TNNI3K: variants seen among roughly 807,000 people sequenced by gnomAD.
The protein encoded by TNNI3K is TNNI3 interacting kinase, also known as serine/threonine-protein kinase TNNI3K.
TNNI3K carries 140 observed loss-of-function variants against 114.5 expected under a neutral mutation model. The ratio of observed to expected loss-of-function variants is 1.22; its 90% CI spans 1.07 to 1.41. The LOEUF (loss-of-function observed/expected upper bound fraction) is 1.41. Among genes scored for constraint, TNNI3K ranks in the 40% most tolerant of loss-of-function variants. The probability of loss-of-function intolerance (pLI) is 0.00; values close to 1 mark genes in which losing one functional copy is unlikely to be tolerated. For missense variants in TNNI3K, 1,125 were observed against 1,007.6 expected (o/e 1.12, Z -1.58); for synonymous variants, 347 against 347.5 (o/e 1.00, Z 0.02).
intron 4 of TNNI3K, among the ~76,000 whole-genome samples, chr1:74,258,110 A>C (rs960905897): frequency 2.6e-5 from 4 of 152,134 alleles, no homozygotes; most frequent in African/African-American, 9.7e-5. Flanking sequence ...CAGGAGTTCC[A>C]AAATCCCCCC....
intron 4 of TNNI3K, among the ~76,000 whole-genome samples, chr1:74,257,717 G>A (rs918978884): frequency 6.2e-5 from 8 of 129,332 alleles, no homozygotes; most frequent in African/African-American, 2.3e-4. Flanking sequence ...CACCCAGGCT[G>A]GAGTGCAGTG....
intron 23 of TNNI3K, among the ~76,000 whole-genome samples, chr1:74,534,476 G>A (rs1446826764): frequency 6.6e-6 from 1 of 152,046 alleles, no homozygotes; most frequent in African/African-American, 2.4e-5. Flanking sequence ...AAAACATTTG[G>A]CAGGCTGTAG....
chr1:74,322,199 AC>A, intron 5 of TNNI3K, among the ~76,000 whole-genome samples: 1 of 152,232 alleles, frequency 6.6e-6, no homozygotes, highest in South Asian at 2.1e-4. Context: ...TGAGAGATTG[AC>A]CCCAATGGAA....
intron 17 of TNNI3K, among the ~76,000 whole-genome samples, chr1:74,433,082 C>CT (rs1300567070): frequency 1.3e-5 from 2 of 152,108 alleles, no homozygotes; most frequent in Admixed American, 6.6e-5. Flanking sequence ...GCCACCATCT[C>CT]TGTCACTGCT....
At chr1:74,490,975 A>G (rs1669040329) in intron 22 of TNNI3K, among the ~76,000 whole-genome samples, 1 of 152,222 alleles carries the variant, frequency 6.6e-6, no homozygotes, top group Admixed American at 6.5e-5. Context: ...TTGGGAGTTA[A>G]AATATAAAGT....
At chr1:74,412,266 C>T (rs963635002) in intron 17 of TNNI3K, among the ~76,000 whole-genome samples, 23 of 152,100 alleles carry the variant, frequency 1.5e-4, no homozygotes, top group African/African-American at 5.6e-4. Flanking sequence ...TTATATTAAT[C>T]CCCTCCCCCA....
chr1:74,383,964 A>G (rs1177778742), intron 17 of TNNI3K, among the ~76,000 whole-genome samples: 1 of 152,102 alleles, frequency 6.6e-6, no homozygotes, highest in Non-Finnish European at 1.5e-5. Flanking sequence ...CTAGATAGTT[A>G]GGTAATCCAA....
chr1:74,344,155 A>G (rs1017702322), intron 9 of TNNI3K, among the ~76,000 whole-genome samples: 6 of 152,166 alleles, frequency 3.9e-5, no homozygotes, highest in African/African-American at 1.2e-4. Flanking sequence ...TCAGGCATCA[A>G]CCTGTCAAAT....
At chr1:74,486,201 AAGAGAGAGAGAGAG>A (rs58506314) in intron 21 of TNNI3K, among the ~76,000 whole-genome samples, 1 of 136,412 alleles carries the variant, frequency 7.3e-6, no homozygotes, top group African/African-American at 2.6e-5. Flanking sequence ...AAATGCTATA[AAGAGAGAGAGAGAG>A]AGAGAGAGAG....
At chr1:74,283,519 G>A (rs1446600210) in intron 5 of TNNI3K, among the ~76,000 whole-genome samples, 1 of 152,120 alleles carries the variant, frequency 6.6e-6, no homozygotes, top group East Asian at 1.9e-4. Flanking sequence ...TTCAGGGTGA[G>A]GTAGAAGAGC....
chr1:74,539,810 C>A lies in TNNI3K; in HGVS notation c.2352-424C>A, dbSNP rs550663880. Among the ~76,000 whole-genome samples, 4 of 151,776 alleles carry A rather than the reference C, an allele frequency of 2.6e-5. No homozygotes were observed. The South Asian group carries it at 8.3e-4, about 32-fold the overall frequency. On this transcript the variant is annotated intron_variant, in intron 23 of 24. Transcript: ENST00000326637. ...CATGCAATGAATATTATCACTATATCTTATTATCATAAAAATAATATAATA... is the reference window on the plus strand; with the variant it reads ...CATGCAATGAATATTATCACTATATATTATTATCATAAAAATAATATAATA...
At chr1:74,353,515 A>G (rs148688114) in intron 10 of TNNI3K, among the ~76,000 whole-genome samples, 155 bp downstream of exon 10, 3,012 of 152,262 alleles carry the variant, frequency 0.02, 51 homozygotes, top group Non-Finnish European at 0.03. Context: ...AATGACTGAT[A>G]ATAATAAAAA....
chr1:74,487,476 C>G (rs1223876961), intron 21 of TNNI3K, among the ~76,000 whole-genome samples: 1 of 152,004 alleles, frequency 6.6e-6, no homozygotes, highest in African/African-American at 2.4e-5. Context: ...ATTAGAGGGT[C>G]AAGATTTTGA....
At chr1:74,337,611 A>T (rs1479498751) in intron 7 of TNNI3K, among the ~76,000 whole-genome samples, 1 of 152,126 alleles carries the variant, frequency 6.6e-6, no homozygotes, top group Non-Finnish European at 1.5e-5. Flanking sequence ...ATATAACCTG[A>T]TGAATATTTA....
chr1:74,411,497 G>C (rs1331172550), intron 17 of TNNI3K, among the ~76,000 whole-genome samples: 11 of 152,110 alleles, frequency 7.2e-5, no homozygotes, highest in African/African-American at 2.4e-4. Flanking sequence ...GGTGTACATT[G>C]AAGAAGGACC....
At chr1:74,396,461 G>C (rs1163802397) in intron 17 of TNNI3K, among the ~76,000 whole-genome samples, 1 of 152,090 alleles carries the variant, frequency 6.6e-6, no homozygotes, top group Admixed American at 6.5e-5. Context: ...AGATCACCTC[G>C]GTTTATCAGA....
At chr1:74,439,360 T>C (rs1666272867) in intron 19 of TNNI3K, 130 bp from the exon 20 acceptor site, 2 of 1,408,420 alleles carry the variant, frequency 1.4e-6, no homozygotes, top group Admixed American at 4.9e-5. Context: ...TATGTATGGA[T>C]GTTAATTTAT....
chr1:74,507,654 A>G (rs559541787), intron 23 of TNNI3K, among the ~76,000 whole-genome samples: 1 of 152,218 alleles, frequency 6.6e-6, no homozygotes, highest in African/African-American at 2.4e-5. Flanking sequence ...TCACATTAGG[A>G]TGGTTCACTG....
chr1:74,461,618 ATATT>A (rs1256838927), intron 20 of TNNI3K, among the ~76,000 whole-genome samples: 1 of 152,248 alleles, frequency 6.6e-6, no homozygotes, highest in Non-Finnish European at 1.5e-5. Context: ...ATGAGTGGCT[ATATT>A]TACCTCTGAA....
Sources: allele counts gnomAD v4.1 joint callset (sites outside exome capture counted in the v4.1 genomes callset), GRCh38; gene constraint gnomAD v4.1.1; transcripts MANE v1.5; gene names NCBI Gene and HGNC (gene_info 2026-07-23, HGNC 2026-07-21).